KCNN2: variants seen among roughly 807,000 people sequenced by gnomAD.
KCNN2 encodes potassium calcium-activated channel subfamily N member 2.
Under a neutral mutation model 55.5 loss-of-function variants are expected in KCNN2, and 24 were observed. The observed-to-expected ratio is 0.43, with a 90% CI of 0.31 to 0.61. KCNN2 has a LOEUF of 0.61. Ranked by LOEUF, KCNN2 falls within the 20% of genes least tolerant of loss-of-function variation. The probability of loss-of-function intolerance (pLI) is 0.08; values close to 1 mark genes in which losing one functional copy is unlikely to be tolerated. For synonymous variants in KCNN2, 431 were observed against 336.1 expected, an observed-to-expected ratio of 1.28 and a Z score of -3.09; for missense variants, 754 against 853.6, an observed-to-expected ratio of 0.88 and a Z score of 1.45.
intron 2 of KCNN2, among the ~76,000 whole-genome samples, chr5:114,317,645 C>T (rs535226708): frequency 6.6e-6 from 1 of 152,220 alleles, no homozygotes; most frequent in South Asian, 2.1e-4. Flanking sequence ...TCTGAAGAGT[C>T]CTGCACCTCC....
At chr5:114,249,246 C>G (rs193209927) in intron 2 of KCNN2, among the ~76,000 whole-genome samples, 176 of 151,182 alleles carry the variant, frequency 1.2e-3, no homozygotes, top group Non-Finnish European at 1.9e-3. Context: ...AACATGGTAT[C>G]ACGAAAGTTC....
At chr5:114,487,320 A>G in intron 6 of KCNN2, 143 bp downstream of exon 6, 3 of 705,130 alleles carry the variant, frequency 4.3e-6, no homozygotes, top group Non-Finnish European at 7.1e-6. Context: ...CAATCTAATC[A>G]TTCCACAATA....
chr5:114,451,752 CCAGGCATGGT>C (rs775429087), intron 3 of KCNN2, among the ~76,000 whole-genome samples: 336 of 152,128 alleles, frequency 2.2e-3, no homozygotes, highest in Non-Finnish European at 4.0e-3. Context: ...AAAAAATTAG[CCAGGCATGGT>C]AGCGGGTGCC....
intron 1 of KCNN2, among the ~76,000 whole-genome samples, chr5:114,141,057 G>A (rs567519031): frequency 1.2e-3 from 184 of 152,130 alleles, no homozygotes; most frequent in African/African-American, 4.3e-3. Context: ...AAAGTGCTGG[G>A]ATTACAGGCA....
At chr5:114,484,848 C>A (rs1218452974) in intron 5 of KCNN2, among the ~76,000 whole-genome samples, 2 of 152,114 alleles carry the variant, frequency 1.3e-5, no homozygotes, top group Non-Finnish European at 2.9e-5. Flanking sequence ...TTAAAAGCAG[C>A]TGCAGGGATT....
At chr5:114,180,693 G>C (rs1753221034) in intron 1 of KCNN2, among the ~76,000 whole-genome samples, 1 of 152,002 alleles carries the variant, frequency 6.6e-6, no homozygotes, top group Non-Finnish European at 1.5e-5. Context: ...CTGCAACTGA[G>C]GGTTTGTGAC....
At chr5:114,093,874 A>G (rs1244717867) in intron 1 of KCNN2, among the ~76,000 whole-genome samples, 3 of 152,166 alleles carry the variant, frequency 2.0e-5, no homozygotes, top group Admixed American at 2.0e-4. Context: ...GGGGACATAA[A>G]GCCTAACCAT....
chr5:114,139,485 A>G (rs1752233410), intron 1 of KCNN2, among the ~76,000 whole-genome samples: 2 of 149,986 alleles, frequency 1.3e-5, no homozygotes, highest in Admixed American at 1.3e-4. Flanking sequence ...CACACCAGAA[A>G]GGAAAATATA....
chr5:114,294,997 C>T (rs1001534966), intron 2 of KCNN2, among the ~76,000 whole-genome samples: 2 of 152,076 alleles, frequency 1.3e-5, no homozygotes, highest in African/African-American at 4.8e-5. Context: ...GATTGCAACC[C>T]CTGCCTTTTT....
At chr5:114,415,782 T>G (rs1318501345) in intron 3 of KCNN2, among the ~76,000 whole-genome samples, 2 of 152,246 alleles carry the variant, frequency 1.3e-5, no homozygotes, top group Non-Finnish European at 2.9e-5. Context: ...TGGTTACTAG[T>G]ATGTTATCAA....
upstream of KCNN2, chr5:114,056,019 C>T (rs554135216): frequency 8.8e-6 from 2 of 226,640 alleles, no homozygotes; most frequent in South Asian, 1.8e-4. Context: ...GGGCCCCCGC[C>T]TGCAGGACTC....
chr5:114,221,743 C>T (rs1388626072), intron 2 of KCNN2, among the ~76,000 whole-genome samples: 1 of 152,158 alleles, frequency 6.6e-6, no homozygotes, highest in Non-Finnish European at 1.5e-5. Context: ...ATTTCTCTCA[C>T]TAGCCCACCA....
At chr5:114,491,626 C>T (rs954271267) in intron 6 of KCNN2, among the ~76,000 whole-genome samples, 2 of 148,688 alleles carry the variant, frequency 1.3e-5, no homozygotes, top group African/African-American at 5.0e-5. Context: ...TAGAAGAGAA[C>T]TAAAAGGATT....
intron 2 of KCNN2, among the ~76,000 whole-genome samples, chr5:114,347,329 A>G (rs2150038842): frequency 6.6e-6 from 1 of 152,332 alleles, no homozygotes; most frequent in South Asian, 2.1e-4. Context: ...GGAAGACACC[A>G]TTGTCACCAA....
chr5:114,449,775 C>T (rs1760572575), intron 3 of KCNN2, among the ~76,000 whole-genome samples: 1 of 151,756 alleles, frequency 6.6e-6, no homozygotes, highest in Admixed American at 6.6e-5. Context: ...GAGATAAGAT[C>T]TGGTCTTTGA....
chr5:114,265,350 TG>T (rs1300355789), intron 2 of KCNN2, among the ~76,000 whole-genome samples: 1 of 99,454 alleles, frequency 1.0e-5, no homozygotes, highest in East Asian at 2.3e-4. Context: ...TGTGTGTGTG[TG>T]TGTGTGTGTG....
chr5:114,140,825 G>A (rs374930951), intron 1 of KCNN2, among the ~76,000 whole-genome samples: 3 of 149,084 alleles, frequency 2.0e-5, no homozygotes, highest in South Asian at 2.1e-4. Flanking sequence ...GTCTCACTCC[G>A]TCGCCTAGGC....
intron 2 of KCNN2, among the ~76,000 whole-genome samples, chr5:114,377,116 T>A (rs1296175243): frequency 4.6e-5 from 7 of 152,160 alleles, no homozygotes; most frequent in Non-Finnish European, 1.0e-4. Flanking sequence ...CTCATTGACT[T>A]TATTTTAAAT....
Position 114,220,759 on chromosome 5 carries a change from G to C in KCNN2, c.-270-721G>C, listed in dbSNP as rs142814674. 1.7e-3 allele frequency among the ~76,000 whole-genome samples: 263 copies of C among 151,268 alleles called. 1 individual carries two copies. Among genetic ancestry groups the C allele is most frequent in the African/African-American group, 6.2e-3 (256 of 41,252 alleles). ...GAGAATTGCTTGAACCCAGGAGGTG[G>C]AGGTTGCAGTCAGCTGAGATCGTGC... is the stretch of plus-strand genomic sequence containing the variant. On this transcript the variant is annotated intron_variant, in intron 1 of 10. Coordinates refer to the KCNN2 transcript ENST00000512097.
Sources: allele counts gnomAD v4.1 joint callset (sites outside exome capture counted in the v4.1 genomes callset), GRCh38; gene constraint gnomAD v4.1.1; transcripts MANE v1.5; gene names NCBI Gene and HGNC (gene_info 2026-07-23, HGNC 2026-07-21).